The following KHDRBS2 variants were observed in gnomAD, a reference collection of about 807,000 sequenced individuals.
KHDRBS2 encodes KH domain-containing, RNA-binding, signal transduction-associated protein 2.
In KHDRBS2, 26 loss-of-function variants were observed where a neutral mutation model predicts 44.3. The ratio of observed to expected loss-of-function variants is 0.59; its 90% CI spans 0.43 to 0.81. The LOEUF is 0.81. Among genes scored for constraint, KHDRBS2 ranks in the 40% least tolerant of loss-of-function variants. The pLI is 0.00. For synonymous variants in KHDRBS2, 194 were observed against 151.1 expected (o/e 1.28, Z -2.08); for missense variants, 476 against 433.1 (o/e 1.10, Z -0.88).
intron 1 of KHDRBS2, among the ~76,000 whole-genome samples, chr6:62,227,963 G>A (rs779764458): frequency 6.6e-6 from 1 of 152,136 alleles, no homozygotes; most frequent in Non-Finnish European, 1.5e-5. Context: ...TGTTCATCAT[G>A]GATATTGGCC....
At chr6:62,174,971 C>T (rs1820789589) in intron 2 of KHDRBS2, among the ~76,000 whole-genome samples, 1 of 151,568 alleles carries the variant, frequency 6.6e-6, no homozygotes, top group Non-Finnish European at 1.5e-5. Flanking sequence ...TCTTAACTAT[C>T]TCACTGATAT....
the KHDRBS2 span, among the ~76,000 whole-genome samples, chr6:61,604,903 A>C: frequency 2.0e-5 from 3 of 152,074 alleles, no homozygotes; most frequent in African/African-American, 4.8e-5. Flanking sequence ...TCCCACCTCT[A>C]TACAGTCCAA....
chr6:62,191,433 T>C (rs1284412997), intron 1 of KHDRBS2, among the ~76,000 whole-genome samples: 3 of 152,130 alleles, frequency 2.0e-5, no homozygotes, highest in African/African-American at 7.2e-5. Flanking sequence ...TTTGCATGAC[T>C]GCCCCATCCC....
chr6:61,727,321 A>G (rs1582436665), intron 7 of KHDRBS2, among the ~76,000 whole-genome samples: 1 of 152,184 alleles, frequency 6.6e-6, no homozygotes, highest in South Asian at 2.1e-4. Context: ...CCAAACTATA[A>G]AAACTCTAGA....
At chr6:61,628,673 A>G in the KHDRBS2 span, among the ~76,000 whole-genome samples, 1 of 152,124 alleles carries the variant, frequency 6.6e-6, no homozygotes, top group East Asian at 1.9e-4. Context: ...GTCTTTTTAC[A>G]GTTCTCCATT....
chr6:61,618,261 C>T, the KHDRBS2 span, among the ~76,000 whole-genome samples: 1 of 152,122 alleles, frequency 6.6e-6, no homozygotes, highest in Non-Finnish European at 1.5e-5. Flanking sequence ...ACTGTCTTTT[C>T]ATGATGATCT....
intron 3 of KHDRBS2, among the ~76,000 whole-genome samples, chr6:62,037,942 C>A (rs1036182436): frequency 1.3e-5 from 2 of 151,946 alleles, no homozygotes; most frequent in Admixed American, 6.6e-5. Flanking sequence ...AAAAGGAAAT[C>A]TATTCATAAT....
the KHDRBS2 span, among the ~76,000 whole-genome samples, chr6:61,601,847 A>G: frequency 2.0e-5 from 3 of 152,214 alleles, no homozygotes; most frequent in South Asian, 6.2e-4. Context: ...TCCAGCTTAC[A>G]GTTTCATTCC....
the KHDRBS2 span, among the ~76,000 whole-genome samples, chr6:61,668,724 T>G: frequency 1.3e-5 from 2 of 151,036 alleles, no homozygotes; most frequent in Non-Finnish European, 3.0e-5. Flanking sequence ...TATCAGCTTT[T>G]AAGCTACATT....
chr6:61,965,964 T>A (rs532765502), intron 4 of KHDRBS2, among the ~76,000 whole-genome samples: 15 of 152,162 alleles, frequency 9.9e-5, no homozygotes, highest in Non-Finnish European at 1.5e-4. Context: ...ACTACTTAGA[T>A]AAGAAGTTTA....
At chr6:61,945,112 A>AATATATATATATAT (rs1491476068) in intron 4 of KHDRBS2, among the ~76,000 whole-genome samples, 1 of 48,416 alleles carries the variant, frequency 2.1e-5, no homozygotes, top group Non-Finnish European at 3.6e-5. Context: ...AAAAAAAAAA[A>AATATATATATATAT]GTATATATAT....
At chr6:62,019,038 G>GAT (rs1781775435) in intron 3 of KHDRBS2, among the ~76,000 whole-genome samples, 2 of 152,068 alleles carry the variant, frequency 1.3e-5, no homozygotes, top group South Asian at 4.2e-4. Flanking sequence ...ATGTTAAATA[G>GAT]ATAGTAACAA....
intron 1 of KHDRBS2, among the ~76,000 whole-genome samples, chr6:62,216,400 C>G (rs1015756572): frequency 1.3e-5 from 2 of 151,802 alleles, no homozygotes; most frequent in African/African-American, 4.8e-5. Flanking sequence ...CAGAGCATAT[C>G]TAATATGTTT....
chr6:62,236,557 A>G (rs1204521943), intron 1 of KHDRBS2, among the ~76,000 whole-genome samples: 1 of 152,102 alleles, frequency 6.6e-6, no homozygotes, highest in Non-Finnish European at 1.5e-5. Flanking sequence ...TAAAAGGATA[A>G]GGCAATTTCA....
chr6:61,743,778 C>G (rs568876681), intron 6 of KHDRBS2, among the ~76,000 whole-genome samples: 182 of 95,184 alleles, frequency 1.9e-3, no homozygotes, highest in Admixed American at 3.4e-3. Context: ...CTATCCCCCC[C>G]CTCCCCCCAC....
intron 4 of KHDRBS2, among the ~76,000 whole-genome samples, chr6:61,973,671 T>A (rs1192435): frequency 0.74 from 112,866 of 152,050 alleles, 42,201 homozygotes; most frequent in African/African-American, 0.84. Context: ...CTAGTAACAG[T>A]TACACACATA....
At chr6:61,826,003 T>C (rs149291261) in intron 6 of KHDRBS2, among the ~76,000 whole-genome samples, 2 of 152,302 alleles carry the variant, frequency 1.3e-5, no homozygotes, top group African/African-American at 4.8e-5. Context: ...TTTCTCTGTC[T>C]TGGAGGGACA....
At chr6:61,675,137 T>A (rs1765852332), downstream of KHDRBS2, among the ~76,000 whole-genome samples, 1 of 151,778 alleles carries the variant, frequency 6.6e-6, no homozygotes, top group Non-Finnish European at 1.5e-5. Flanking sequence ...TGGTCTTATT[T>A]CTTCTAACTA....
chr6:61,598,350 C>T, the KHDRBS2 span, among the ~76,000 whole-genome samples: 2 of 144,892 alleles, frequency 1.4e-5, 1 homozygote, highest in Non-Finnish European at 3.2e-5. Flanking sequence ...TAACCAATGC[C>T]TTTCCCAAGA....
Sources: allele counts gnomAD v4.1 joint callset (sites outside exome capture counted in the v4.1 genomes callset), GRCh38; gene constraint gnomAD v4.1.1; transcripts MANE v1.5; gene names NCBI Gene and HGNC (gene_info 2026-07-23, HGNC 2026-07-21).